DPP10: variants seen among roughly 807,000 people sequenced by gnomAD.
DPP10 encodes the protein dipeptidyl peptidase like 10.
A neutral mutation model predicts 120.9 loss-of-function variants in DPP10; 33 were observed. That is an observed-to-expected ratio of 0.27 (90% CI 0.21 to 0.37). DPP10 has a LOEUF of 0.37. Ranked by LOEUF, DPP10 falls within the 10% of genes least tolerant of loss-of-function variation. The probability of loss-of-function intolerance (pLI) is 1.00; values close to 1 mark genes in which losing one functional copy is unlikely to be tolerated. For missense variants in DPP10, 816 were observed against 942.8 expected, an observed-to-expected ratio of 0.87 and a Z score of 1.76; for synonymous variants, 337 against 326.1, an observed-to-expected ratio of 1.03 and a Z score of -0.36.
chr2:115,372,705 G>C (rs2065497514), intron 3 of DPP10, among the ~76,000 whole-genome samples: 1 of 152,132 alleles, frequency 6.6e-6, no homozygotes, highest in Admixed American at 6.6e-5. Context: ...CCAGCTCCTG[G>C]AGTTAATAAT....
chr2:115,533,097 A>G (rs1291861732), intron 5 of DPP10, among the ~76,000 whole-genome samples: 1 of 152,076 alleles, frequency 6.6e-6, no homozygotes, highest in Non-Finnish European at 1.5e-5. Flanking sequence ...CACCATGTCA[A>G]GTAGACTAGT....
In DPP10 at chr2:114,607,436, C is replaced by A. The variant is rs373734415; in HGVS notation, c.60+164598C>A. On this transcript the variant is annotated intron_variant, in intron 1 of 25. Coordinates refer to ENST00000410059, the MANE Select transcript of DPP10 (RefSeq NM_020868.6). Reference sequence around the variant, plus strand: ...TAGATTTAAGTATGAAGTATGACTGCCTCATGAAAATGTTCATTCATGGAC... The same window carrying A: ...TAGATTTAAGTATGAAGTATGACTGACTCATGAAAATGTTCATTCATGGAC... Among the ~76,000 whole-genome samples the A allele has an allele frequency of 1.6e-4, 24 of 152,248 alleles. No individual in the cohort carries two copies. In the East Asian group the frequency reaches 3.7e-3, roughly 23 times the overall value.
intron 1 of DPP10, among the ~76,000 whole-genome samples, chr2:114,954,080 C>CTTTTTT (rs66485866): frequency 1.2e-4 from 15 of 122,060 alleles, no homozygotes; most frequent in African/African-American, 2.8e-4. Flanking sequence ...TTAAGAAGTC[C>CTTTTTT]TTTTTTTTTT....
At chr2:115,086,811 A>T (rs891600763) in intron 1 of DPP10, among the ~76,000 whole-genome samples, 3 of 147,014 alleles carry the variant, frequency 2.0e-5, no homozygotes, top group Admixed American at 6.9e-5. Flanking sequence ...CCTAAAATAT[A>T]TAAAACCAAG....
chr2:115,379,337 T>C (rs1221625688), intron 3 of DPP10, among the ~76,000 whole-genome samples: 2 of 152,180 alleles, frequency 1.3e-5, no homozygotes, highest in Non-Finnish European at 2.9e-5. Flanking sequence ...AGTTTATTTG[T>C]GTAGAGTTGT....
chr2:114,628,985 G>A (rs111421747), intron 1 of DPP10, among the ~76,000 whole-genome samples: 46 of 152,100 alleles, frequency 3.0e-4, no homozygotes, highest in Non-Finnish European at 5.6e-4. Flanking sequence ...GGAAACATGA[G>A]AATTTATCTA....
intron 1 of DPP10, among the ~76,000 whole-genome samples, chr2:114,932,441 T>C (rs2104508614): frequency 6.6e-6 from 1 of 152,310 alleles, no homozygotes; most frequent in Middle Eastern, 3.4e-3. Context: ...AAATAAATTG[T>C]GGTACTTAGA....
chr2:115,808,544 T>C (rs562587605), intron 19 of DPP10, among the ~76,000 whole-genome samples: 16 of 152,308 alleles, frequency 1.1e-4, no homozygotes, highest in Admixed American at 3.3e-4. Flanking sequence ...ATTTAATCCC[T>C]GCCATAACTC....
intron 5 of DPP10, among the ~76,000 whole-genome samples, chr2:115,677,041 G>A (rs751072404): frequency 2.6e-4 from 39 of 152,148 alleles, no homozygotes; most frequent in Admixed American, 1.9e-3. Flanking sequence ...CAAAATTCAG[G>A]GAAAAACAGA....
rs138052949 is a variant in DPP10 at position 115,686,824 on chromosome 2, T to C, written c.442-2863T>C. 2.6e-5 allele frequency among the ~76,000 whole-genome samples: 4 copies of C among 152,190 alleles called. No individual in the cohort carries two copies. In the East Asian group the frequency reaches 5.8e-4, roughly 22 times the overall value. On this transcript the variant is annotated intron_variant, in intron 5 of 25. Transcript: ENST00000410059. ...TCACACTCTAATAAGTAGTGGAACA[T>C]CATTTGCAGAGATGGGATGAATAGG...
chr2:114,589,149 G>A (rs949369231), intron 1 of DPP10, among the ~76,000 whole-genome samples: 4 of 152,100 alleles, frequency 2.6e-5, no homozygotes, highest in African/African-American at 9.7e-5. Flanking sequence ...GAAGGCAGGG[G>A]AAGTTTCTTG....
chr2:115,121,905 AAC>A, intron 1 of DPP10, among the ~76,000 whole-genome samples: 1 of 152,316 alleles, frequency 6.6e-6, no homozygotes, highest in African/African-American at 2.4e-5. Flanking sequence ...TTTTAGGCTG[AAC>A]AGTATTACAA....
chr2:115,766,019 GA>G (rs1449778663), intron 12 of DPP10, among the ~76,000 whole-genome samples: 2 of 151,922 alleles, frequency 1.3e-5, no homozygotes, highest in Non-Finnish European at 2.9e-5. Context: ...TTAATTGACT[GA>G]TTCATTCAGT....
chr2:114,919,651 A>T lies in DPP10; in HGVS notation c.61-389588A>T, dbSNP rs376176867. On this transcript the variant is annotated intron_variant, in intron 1 of 25. Coordinates refer to ENST00000410059, the MANE Select transcript of DPP10 (RefSeq NM_020868.6). Reference sequence around the variant, plus strand: ...AGAAATAATCAGCCAAAGTTTGCAGACATCAACAGTTCTGGTTAAAAAATT... The same window carrying T: ...AGAAATAATCAGCCAAAGTTTGCAGTCATCAACAGTTCTGGTTAAAAAATT... Among the ~76,000 whole-genome samples, 5 of 152,344 alleles carry T rather than the reference A, an allele frequency of 3.3e-5. No individual in the cohort carries two copies. The East Asian group carries it at 7.7e-4, about 23-fold the overall frequency.
At chr2:114,474,842 G>T (rs903561815) in intron 1 of DPP10, among the ~76,000 whole-genome samples, 3 of 152,184 alleles carry the variant, frequency 2.0e-5, no homozygotes, top group Admixed American at 6.5e-5. Context: ...TGAAAGTCAT[G>T]GTAGGGGCTA....
At chr2:115,755,705 A>G (rs1679302480) in intron 11 of DPP10, among the ~76,000 whole-genome samples, 1 of 152,030 alleles carries the variant, frequency 6.6e-6, no homozygotes, top group Non-Finnish European at 1.5e-5. Flanking sequence ...TCAAAAAACT[A>G]AAACTATAAT....
chr2:114,567,596 A>C (rs551576977), intron 1 of DPP10, among the ~76,000 whole-genome samples: 1 of 152,298 alleles, frequency 6.6e-6, no homozygotes, highest in African/African-American at 2.4e-5. Context: ...GACATAATAA[A>C]ATTACATTTT....
At chr2:114,842,551 C>T (rs1404938184) in intron 1 of DPP10, among the ~76,000 whole-genome samples, 3 of 152,188 alleles carry the variant, frequency 2.0e-5, no homozygotes, top group African/African-American at 4.8e-5. Flanking sequence ...GATAAGATGA[C>T]TTCTCTTCCC....
At chr2:114,490,353 C>T (rs1681880909) in intron 1 of DPP10, among the ~76,000 whole-genome samples, 1 of 152,210 alleles carries the variant, frequency 6.6e-6, no homozygotes, top group African/African-American at 2.4e-5. Flanking sequence ...CTACTTCCTA[C>T]TTCCATCAGC....
Sources: allele counts gnomAD v4.1 joint callset (sites outside exome capture counted in the v4.1 genomes callset), GRCh38; gene constraint gnomAD v4.1.1; transcripts MANE v1.5; gene names NCBI Gene and HGNC (gene_info 2026-07-23, HGNC 2026-07-21).